The following STXBP5L variants were observed in gnomAD, a reference collection of about 807,000 sequenced individuals.
STXBP5L encodes the protein syntaxin binding protein 5L, also known as syntaxin-binding protein 5-like.
Under a neutral mutation model 144.5 loss-of-function variants are expected in STXBP5L, and 65 were observed. The ratio of observed to expected loss-of-function variants is 0.45; its 90% CI spans 0.37 to 0.55. The LOEUF (loss-of-function observed/expected upper bound fraction) is 0.55, where lower values mean the gene tolerates loss of function less well. Ranked by LOEUF, STXBP5L falls within the 20% of genes least tolerant of loss-of-function variation. The pLI is 0.00. For synonymous variants in STXBP5L, 505 were observed against 469.6 expected, an observed-to-expected ratio of 1.08 and a Z score of -0.97; for missense variants, 1,298 against 1,405.5, an observed-to-expected ratio of 0.92 and a Z score of 1.22.
intron 5 of STXBP5L, among the ~76,000 whole-genome samples, chr3:121,094,370 G>T (rs1270567395): frequency 6.6e-6 from 1 of 151,932 alleles, no homozygotes; most frequent in East Asian, 1.9e-4. Context: ...TTGACAGTGG[G>T]GTGTTAAAGT....
At chr3:121,295,376 A>G (rs545919610) in intron 19 of STXBP5L, among the ~76,000 whole-genome samples, 1 of 152,254 alleles carries the variant, frequency 6.6e-6, no homozygotes, top group Non-Finnish European at 1.5e-5. Flanking sequence ...TTGAGAGATG[A>G]AACAAGTGAT....
At chr3:121,030,342 T>C (rs568432551) in intron 3 of STXBP5L, among the ~76,000 whole-genome samples, 1 of 152,148 alleles carries the variant, frequency 6.6e-6, no homozygotes, top group African/African-American at 2.4e-5. Context: ...TGGAATATTA[T>C]ACAGCCATAG....
At chr3:121,207,543 G>T (rs944633920) in intron 10 of STXBP5L, among the ~76,000 whole-genome samples, 1 of 152,074 alleles carries the variant, frequency 6.6e-6, no homozygotes, top group Admixed American at 6.5e-5. Context: ...TAGTGAACAG[G>T]CAACCTACAG....
intron 11 of STXBP5L, 34 bp from the exon 12 acceptor site, chr3:121,233,582 A>T: frequency 6.5e-7 from 1 of 1,547,720 alleles, no homozygotes; most frequent in Non-Finnish European, 8.8e-7. Flanking sequence ...TATATACAAT[A>T]TGAAAACTTT....
chr3:121,124,375 C>G (rs769997788), intron 7 of STXBP5L, among the ~76,000 whole-genome samples: 10 of 151,736 alleles, frequency 6.6e-5, no homozygotes, highest in Non-Finnish European at 1.5e-4. Context: ...GTTTGAAATT[C>G]GAGTGTATAA....
intron 5 of STXBP5L, among the ~76,000 whole-genome samples, chr3:121,107,691 A>G (rs2043778875): frequency 6.6e-6 from 1 of 151,904 alleles, no homozygotes; most frequent in East Asian, 1.9e-4. Context: ...TCTTGGTTAT[A>G]TGGGCTCTTT....
intron 20 of STXBP5L, among the ~76,000 whole-genome samples, chr3:121,361,399 AC>A (rs2045708098): frequency 6.6e-6 from 1 of 151,448 alleles, no homozygotes; most frequent in African/African-American, 2.4e-5. Flanking sequence ...CTCCTTCCCT[AC>A]CCCCCCTTTA....
At chr3:121,380,621 T>A (rs895978080) in intron 21 of STXBP5L, among the ~76,000 whole-genome samples, 1 of 151,596 alleles carries the variant, frequency 6.6e-6, no homozygotes, top group East Asian at 1.9e-4. Flanking sequence ...GCTGAAGCAC[T>A]CTCAGAAAGA....
chr3:121,356,115 G>A (rs1351865256), intron 20 of STXBP5L, among the ~76,000 whole-genome samples: 1 of 152,246 alleles, frequency 6.6e-6, no homozygotes, highest in Non-Finnish European at 1.5e-5. Flanking sequence ...AGCCTCTACT[G>A]GGAGGTGTCT....
At chr3:121,310,736 A>C (rs562193589) in intron 19 of STXBP5L, among the ~76,000 whole-genome samples, 1 of 149,596 alleles carries the variant, frequency 6.7e-6, no homozygotes, top group Non-Finnish European at 1.5e-5. Flanking sequence ...TGGTGAAACC[A>C]TGTCTCTACT....
At chr3:121,337,439 T>TAAAAAAAAAAAAAAAAA in intron 20 of STXBP5L, among the ~76,000 whole-genome samples, 1 of 71,088 alleles carries the variant, frequency 1.4e-5, no homozygotes, top group Non-Finnish European at 3.0e-5. Flanking sequence ...GCAACAACAG[T>TAAAAAAAAAAAAAAAAA]AAAAAAAAAA....
chr3:121,303,914 A>G (rs1487310706), intron 19 of STXBP5L, among the ~76,000 whole-genome samples: 7 of 152,154 alleles, frequency 4.6e-5, no homozygotes, highest in Admixed American at 1.3e-4. Context: ...GCATTAGGAG[A>G]TATACCTAAT....
At chr3:121,080,334 T>C (rs1425047432) in intron 5 of STXBP5L, among the ~76,000 whole-genome samples, 1 of 152,200 alleles carries the variant, frequency 6.6e-6, no homozygotes, top group Non-Finnish European at 1.5e-5. Context: ...AATATTAGTA[T>C]TGAGATGTGA....
chr3:121,081,281 T>A (rs1032327465), intron 5 of STXBP5L, among the ~76,000 whole-genome samples: 1 of 152,186 alleles, frequency 6.6e-6, no homozygotes, highest in African/African-American at 2.4e-5. Context: ...TTCTTTGTGT[T>A]GTTTTTTACC....
At chr3:121,189,851 C>T (rs2047565352) in intron 9 of STXBP5L, among the ~76,000 whole-genome samples, 1 of 151,820 alleles carries the variant, frequency 6.6e-6, no homozygotes, top group Admixed American at 6.6e-5. Flanking sequence ...TTAAAATAAA[C>T]AAATAAAAAG....
intron 11 of STXBP5L, among the ~76,000 whole-genome samples, chr3:121,230,411 T>C (rs954464846): frequency 6.6e-5 from 10 of 151,442 alleles, no homozygotes; most frequent in African/African-American, 2.4e-4. Context: ...TTTGGTACCA[T>C]AGACAAATAC....
intron 3 of STXBP5L, among the ~76,000 whole-genome samples, chr3:121,017,422 G>C (rs1372793082): frequency 3.3e-5 from 5 of 152,224 alleles, no homozygotes; most frequent in South Asian, 2.1e-4. Context: ...TAACATCTTA[G>C]TGGAAGTCCT....
chr3:120,982,470 G>A (rs547581682), intron 3 of STXBP5L, among the ~76,000 whole-genome samples: 3 of 152,322 alleles, frequency 2.0e-5, no homozygotes, highest in African/African-American at 7.2e-5. Context: ...AGGCAGGTGG[G>A]AATGCAATCC....
chr3:120,917,430 A>G (rs952710831), intron 2 of STXBP5L, among the ~76,000 whole-genome samples: 4 of 152,160 alleles, frequency 2.6e-5, no homozygotes, highest in African/African-American at 9.7e-5. Flanking sequence ...TTTTAATATC[A>G]TTTTGGTACA....
Sources: gnomAD v4.1 joint callset for allele counts (sites outside exome capture counted in the v4.1 genomes callset) on GRCh38, gnomAD v4.1.1 for gene constraint, MANE v1.5 for transcripts, NCBI Gene and HGNC (gene_info 2026-07-23, HGNC 2026-07-21) for gene names.